Variants in ELAPOR2 observed in about 807,000 individuals in gnomAD.
The protein encoded by ELAPOR2 is endosome-lysosome associated apoptosis and autophagy regulator family member 2.
In ELAPOR2, 89 loss-of-function variants were observed where a neutral mutation model predicts 120.7. That is an observed-to-expected ratio of 0.74 (90% CI 0.62 to 0.88). ELAPOR2 has a LOEUF of 0.88. Ranked by LOEUF, ELAPOR2 falls within the 40% of genes least tolerant of loss-of-function variation. The pLI is 0.00. For missense variants in ELAPOR2, 1,134 were observed against 1,251.6 expected (o/e 0.91, Z 1.42); for synonymous variants, 444 against 444.9 (o/e 1.00, Z 0.03).
intron 18 of ELAPOR2, 130 bp from the exon 19 acceptor site, chr7:86,897,762 G>GA: frequency 9.8e-7 from 1 of 1,015,324 alleles, no homozygotes; most frequent in Non-Finnish European, 1.4e-6. Context: ...AACACAAGTG[G>GA]AAAAAAGTCT....
intron 1 of ELAPOR2, among the ~76,000 whole-genome samples, chr7:87,016,678 T>A (rs897910261): frequency 3.4e-5 from 5 of 148,200 alleles, no homozygotes; most frequent in Non-Finnish European, 7.5e-5. Flanking sequence ...TATATATATA[T>A]AATATATAAT....
At position 86,926,909 on chromosome 7, in the gene ELAPOR2, ATC is replaced by A; in HGVS notation, c.1095_1096del (p.Gln365HisfsTer20). On this transcript the variant is annotated frameshift_variant, in exon 9 of 22. Coordinates refer to ENST00000450689, the MANE Select transcript of ELAPOR2 (RefSeq NM_001142749.3). LOFTEE classifies it high-confidence loss of function. ...TTTGGGCTCTATCCACTTGTACATT[ATC>A]TGTGTCTACAAAAAAAAAAAAAAAA... The A allele has an allele frequency of 1.1e-6, 1 of 925,106 alleles. No homozygotes were observed. The highest frequency in any genetic ancestry group is 1.5e-6 in the Non-Finnish European group (1 of 685,176). The allele number at this position is 925,106 out of a possible 1,614,324, so 57.3% of individuals were successfully genotyped here.
chr7:86,964,981 G>A lies in ELAPOR2; in HGVS notation c.233C>T (p.Ser78Phe), dbSNP rs766212592. The A allele has an allele frequency of 2.1e-5, 33 of 1,551,416 alleles. No individual in the cohort carries two copies. The East Asian group carries it at 5.1e-4, about 24-fold the overall frequency. The change falls in exon 2 of 22, where the codon TCC (serine) becomes TTC (phenylalanine). Residue 78 changes from serine (S) to phenylalanine (F), a missense_variant. By Grantham distance (155) the Ser-to-Phe change is radical. Transcript: ENST00000450689. ...FEYTECDSSGSRWRVAIPNSA... is the reference protein window; with the variant it reads ...FEYTECDSSGFRWRVAIPNSA... ...ATTTGGAATGGCAACTCTCCACCTG[G>A]AGCCACTGCTATCACATTCCGTATA...
intron 1 of ELAPOR2, among the ~76,000 whole-genome samples, chr7:87,054,843 G>T (rs1040220408): frequency 1.3e-5 from 2 of 152,160 alleles, no homozygotes; most frequent in African/African-American, 4.8e-5. Context: ...TCTCTCTTCA[G>T]TCATCATCTT....
rs573785652 is a variant in ELAPOR2 at position 86,949,606 on chromosome 7, C to T, written c.311-1684G>A. Among the ~76,000 whole-genome samples the T allele has an allele frequency of 2.6e-5, 4 of 152,264 alleles. 1 individual carries two copies. Among genetic ancestry groups the T allele is most frequent in the Admixed American group, 6.5e-5 (1 of 15,296 alleles). ...CAGGGCATCTTGGCACTCTCAGGGG[C>T]CCAGGAAGAACCCCTTCCCCCACAG... On this transcript the variant is annotated intron_variant, in intron 2 of 21. Coordinates refer to ENST00000450689, the MANE Select transcript of ELAPOR2 (RefSeq NM_001142749.3).
chr7:86,905,345 C>CA (rs1243784728), intron 18 of ELAPOR2, among the ~76,000 whole-genome samples: 11 of 145,302 alleles, frequency 7.6e-5, no homozygotes, highest in Non-Finnish European at 1.7e-4. Flanking sequence ...AACAAACAAA[C>CA]AAAAAAACCT....
At chr7:86,992,059 A>G (rs1792960453) in intron 1 of ELAPOR2, among the ~76,000 whole-genome samples, 1 of 152,236 alleles carries the variant, frequency 6.6e-6, no homozygotes, top group Admixed American at 6.5e-5. Flanking sequence ...GCTTTTTCCA[A>G]TGCATAAATC....
chr7:86,929,610 TAC>T (rs1288969100), intron 8 of ELAPOR2, among the ~76,000 whole-genome samples: 33 of 152,110 alleles, frequency 2.2e-4, no homozygotes, highest in African/African-American at 7.5e-4. Context: ...CCTGCCCAAA[TAC>T]ATATCAGCAT....
intron 18 of ELAPOR2, among the ~76,000 whole-genome samples, chr7:86,899,903 G>T (rs945888995): frequency 7.3e-5 from 11 of 150,684 alleles, no homozygotes; most frequent in African/African-American, 9.8e-5. Flanking sequence ...AAGATAGGTG[G>T]TTTTTTTTTA....
chr7:86,953,375 CT>C (rs1337693173), intron 2 of ELAPOR2, among the ~76,000 whole-genome samples: 1 of 152,194 alleles, frequency 6.6e-6, no homozygotes, highest in Non-Finnish European at 1.5e-5. Flanking sequence ...TTGGTAAACA[CT>C]GTTTACTCCA....
chr7:86,969,526 A>C (rs1792034994), intron 1 of ELAPOR2, among the ~76,000 whole-genome samples: 1 of 152,114 alleles, frequency 6.6e-6, no homozygotes, highest in African/African-American at 2.4e-5. Context: ...TTAATTATTA[A>C]ATAATTATGA....
intron 1 of ELAPOR2, among the ~76,000 whole-genome samples, chr7:86,983,891 C>A (rs1792607288): frequency 6.6e-6 from 1 of 152,258 alleles, no homozygotes; most frequent in Admixed American, 6.5e-5. Flanking sequence ...CACAGACTGG[C>A]AAATTGGATA....
At chr7:86,941,970 A>T in intron 5 of ELAPOR2, 48 bp downstream of exon 5, 1 of 1,160,818 alleles carries the variant, frequency 8.6e-7, no homozygotes, top group Non-Finnish European at 1.3e-6. Context: ...GGGGAAAAAA[A>T]GAAGAAGGAA....
chr7:86,904,557 G>A (rs184247178), intron 18 of ELAPOR2, among the ~76,000 whole-genome samples: 20 of 152,254 alleles, frequency 1.3e-4, no homozygotes, highest in Admixed American at 3.3e-4. Context: ...TATCTAAAAT[G>A]TTTCATACCC....
At chr7:87,020,948 T>TA (rs1237028035) in intron 1 of ELAPOR2, among the ~76,000 whole-genome samples, 1 of 152,106 alleles carries the variant, frequency 6.6e-6, no homozygotes, top group Non-Finnish European at 1.5e-5. Context: ...ACAAAAATAA[T>TA]AAAGTCTAAC....
chr7:86,973,394 A>G (rs1435827105), intron 1 of ELAPOR2, among the ~76,000 whole-genome samples: 7 of 152,124 alleles, frequency 4.6e-5, no homozygotes, highest in African/African-American at 1.7e-4. Context: ...CTCTGCCCGG[A>G]AGGCTCTTTC....
chr7:87,007,351 T>C (rs1188153145), intron 1 of ELAPOR2, among the ~76,000 whole-genome samples: 1 of 152,148 alleles, frequency 6.6e-6, no homozygotes, highest in Non-Finnish European at 1.5e-5. Context: ...TTTCTCATTG[T>C]TGGAGAAAGT....
intron 1 of ELAPOR2, among the ~76,000 whole-genome samples, chr7:86,987,051 A>C (rs1792767858): frequency 6.6e-6 from 1 of 151,630 alleles, no homozygotes; most frequent in African/African-American, 2.4e-5. Flanking sequence ...ACACATCTAC[A>C]ACCATCTGAC....
chr7:86,971,578 C>A (rs1298057034), intron 1 of ELAPOR2, among the ~76,000 whole-genome samples: 1 of 152,118 alleles, frequency 6.6e-6, no homozygotes, highest in Non-Finnish European at 1.5e-5. Flanking sequence ...TACATTTAAA[C>A]TTATTGAATT....
Sources: allele counts gnomAD v4.1 joint callset (sites outside exome capture counted in the v4.1 genomes callset), GRCh38; gene constraint gnomAD v4.1.1; transcripts MANE v1.5; gene names NCBI Gene and HGNC (gene_info 2026-07-23, HGNC 2026-07-21).